Variants in PLXNA4 observed in about 807,000 individuals in gnomAD.
PLXNA4 encodes plexin A4, also known as plexin-A4.
A neutral mutation model predicts 191.8 loss-of-function variants in PLXNA4; 44 were observed. That is an observed-to-expected ratio of 0.23 (90% CI 0.18 to 0.29). The LOEUF (loss-of-function observed/expected upper bound fraction) is 0.29. Among genes scored for constraint, PLXNA4 ranks in the 10% least tolerant of loss-of-function variants. The pLI, the probability that PLXNA4 is intolerant of heterozygous loss-of-function variation, is 1.00. For synonymous variants in PLXNA4, 1,082 were observed against 1,009.5 expected (o/e 1.07, Z -1.36); for missense variants, 1,800 against 2,488.8 (o/e 0.72, Z 5.89).
At chr7:132,453,092 A>G (rs1163147716) in intron 3 of PLXNA4, among the ~76,000 whole-genome samples, 1 of 152,210 alleles carries the variant, frequency 6.6e-6, no homozygotes, top group African/African-American at 2.4e-5. Flanking sequence ...CCAAAATGAC[A>G]AGAGAAGTGG....
chr7:132,367,776 G>A (rs1175057894), intron 3 of PLXNA4: 3 of 152,286 alleles, frequency 2.0e-5, no homozygotes, highest in African/African-American at 4.8e-5. Context: ...GAGCAGCAAA[G>A]GGCACCTGCA....
chr7:132,173,003 T>A (rs1257254020), intron 21 of PLXNA4, among the ~76,000 whole-genome samples: 11 of 152,184 alleles, frequency 7.2e-5, no homozygotes, highest in Non-Finnish European at 1.5e-4. Flanking sequence ...ATTCAATCAT[T>A]TACCACTTCC....
rs187597241 is a variant in PLXNA4, at chr7:132,423,123, C to T, written c.1371+66169G>A. On this transcript the variant is annotated intron_variant, in intron 3 of 31. Coordinates refer to ENST00000321063, the MANE Select transcript of PLXNA4 (RefSeq NM_020911.2). The stretch of plus-strand genomic sequence containing the variant: ...TCATCCTCTCCAGCCTCCTCCTGTG[C>T]GAACACCGTGGAATTAGCCAGGAGG... Among the ~76,000 whole-genome samples, 4 of 152,318 alleles carry T rather than the reference C, an allele frequency of 2.6e-5. No homozygotes were observed. The East Asian group carries it at 5.8e-4, about 22-fold the overall frequency.
chr7:132,292,204 A>C (rs1328510949), intron 4 of PLXNA4, among the ~76,000 whole-genome samples: 3 of 152,200 alleles, frequency 2.0e-5, no homozygotes, highest in Non-Finnish European at 4.4e-5. Context: ...ATATGACGCA[A>C]AATATTTCCC....
chr7:132,347,918 G>T (rs1463661095), intron 3 of PLXNA4, among the ~76,000 whole-genome samples: 1 of 152,182 alleles, frequency 6.6e-6, no homozygotes, highest in Non-Finnish European at 1.5e-5. Flanking sequence ...TTTCCCTGCA[G>T]AGAGGCATGG....
intron 1 of PLXNA4, among the ~76,000 whole-genome samples, chr7:132,509,338 T>C (rs2116266420): frequency 6.6e-6 from 1 of 152,318 alleles, no homozygotes; most frequent in African/African-American, 2.4e-5. Flanking sequence ...AACAGAGACC[T>C]CACTATTACT....
intron 4 of PLXNA4, among the ~76,000 whole-genome samples, chr7:132,247,711 C>G (rs1799107544): frequency 6.6e-6 from 1 of 152,148 alleles, no homozygotes; most frequent in South Asian, 2.1e-4. Flanking sequence ...GGCCAGGGAC[C>G]ACATAAAGGT....
chr7:132,465,186 C>A (rs1355587456), intron 3 of PLXNA4, among the ~76,000 whole-genome samples: 1 of 152,082 alleles, frequency 6.6e-6, no homozygotes, highest in East Asian at 1.9e-4. Context: ...CAGTCTAGAC[C>A]CCCCCACCAG....
chr7:132,458,909 G>C (rs890156519), intron 3 of PLXNA4, among the ~76,000 whole-genome samples: 1 of 152,124 alleles, frequency 6.6e-6, no homozygotes, highest in Admixed American at 6.6e-5. Context: ...AATGCCTAAC[G>C]GGACAAGCAC....
chr7:132,589,059 T>A (rs916573805), intron 2 of PLXNA4, among the ~76,000 whole-genome samples: 1 of 152,248 alleles, frequency 6.6e-6, no homozygotes, highest in African/African-American at 2.4e-5. Context: ...GGATATTTTA[T>A]GTAACTCATA....
At chr7:132,414,218 T>C (rs1794572594) in intron 3 of PLXNA4, among the ~76,000 whole-genome samples, 1 of 152,196 alleles carries the variant, frequency 6.6e-6, no homozygotes, top group Admixed American at 6.5e-5. Flanking sequence ...CCTGTTGCTG[T>C]TGTGATTAAT....
intron 3 of PLXNA4, among the ~76,000 whole-genome samples, chr7:132,435,430 G>C (rs1428298554): frequency 2.0e-5 from 3 of 152,096 alleles, no homozygotes; most frequent in Non-Finnish European, 4.4e-5. Flanking sequence ...TGCAGACCCA[G>C]AAATGGCCTC....
intron 2 of PLXNA4, among the ~76,000 whole-genome samples, chr7:132,618,988 T>C (rs577541488): frequency 6.6e-6 from 1 of 152,212 alleles, no homozygotes; most frequent in African/African-American, 2.4e-5. Context: ...CAGAAATTAT[T>C]TGGAAATTTT....
chr7:132,309,266 C>A (rs1584973548), intron 3 of PLXNA4, among the ~76,000 whole-genome samples: 1 of 152,276 alleles, frequency 6.6e-6, no homozygotes, highest in East Asian at 1.9e-4. Flanking sequence ...AAGTGGAGAA[C>A]CACAGCCTGG....
intron 3 of PLXNA4, among the ~76,000 whole-genome samples, chr7:132,365,360 T>TGTGCGCGCGCGCGTGCGTGC: frequency 7.8e-6 from 1 of 128,742 alleles, no homozygotes; most frequent in East Asian, 2.1e-4. Context: ...TGTGTGTGTG[T>TGTGCGCGCGCGCGTGCGTGC]GCGTGCGCGC....
intron 2 of PLXNA4, among the ~76,000 whole-genome samples, chr7:132,594,808 C>G (rs1281522869): frequency 1.3e-5 from 2 of 152,124 alleles, no homozygotes; most frequent in African/African-American, 4.8e-5. Flanking sequence ...CTTCTTCAGG[C>G]ACTGAGCCCT....
intron 5 of PLXNA4, among the ~76,000 whole-genome samples, chr7:132,238,883 T>C (rs1798790454): frequency 6.6e-6 from 1 of 152,012 alleles, no homozygotes; most frequent in African/African-American, 2.4e-5. Flanking sequence ...CACCCTACAC[T>C]ACATTTCCCA....
At chr7:132,346,495 G>A (rs1803251656) in intron 3 of PLXNA4, among the ~76,000 whole-genome samples, 1 of 152,166 alleles carries the variant, frequency 6.6e-6, no homozygotes, top group African/African-American at 2.4e-5. Flanking sequence ...TGCTATGGCA[G>A]AATTTTTGTG....
intron 3 of PLXNA4, among the ~76,000 whole-genome samples, chr7:132,398,381 C>T (rs1793845191): frequency 6.6e-6 from 1 of 152,220 alleles, no homozygotes; most frequent in Non-Finnish European, 1.5e-5. Context: ...TAGCCCATGT[C>T]CTCACTATCA....
Sources: allele counts gnomAD v4.1 joint callset (sites outside exome capture counted in the v4.1 genomes callset), GRCh38; gene constraint gnomAD v4.1.1; transcripts MANE v1.5; gene names NCBI Gene and HGNC (gene_info 2026-07-23, HGNC 2026-07-21).